USP36: variants seen among roughly 807,000 people sequenced by gnomAD.
USP36 encodes ubiquitin carboxyl-terminal hydrolase 36.
In USP36, 59 loss-of-function variants were observed where a neutral mutation model predicts 111.5. That is an observed-to-expected ratio of 0.53 (90% CI 0.43 to 0.66). USP36 has a LOEUF of 0.66. Among genes scored for constraint, USP36 ranks in the 30% least tolerant of loss-of-function variants. USP36 has a pLI of 0.00. For missense variants in USP36, 1,488 were observed against 1,468.0 expected (o/e 1.01, Z -0.22); for synonymous variants, 628 against 581.0 (o/e 1.08, Z -1.16).
chr17:78,819,369 C>T (rs1359214774), intron 9 of USP36, among the ~76,000 whole-genome samples: 1 of 152,132 alleles, frequency 6.6e-6, no homozygotes, highest in African/African-American at 2.4e-5. Flanking sequence ...TTCAGGAGTT[C>T]GAGACCAGCC....
chr17:78,806,506 A>G (rs2093905501), intron 14 of USP36, among the ~76,000 whole-genome samples: 1 of 152,152 alleles, frequency 6.6e-6, no homozygotes, highest in South Asian at 2.1e-4. Context: ...AAGGAAGAAA[A>G]TTTAAACAAA....
At chr17:78,808,876 C>T (rs2093981799) in intron 13 of USP36, among the ~76,000 whole-genome samples, 1 of 152,060 alleles carries the variant, frequency 6.6e-6, no homozygotes, top group Non-Finnish European at 1.5e-5. Flanking sequence ...ATTTGTTGAG[C>T]TTTTCCTGTA....
intron 4 of USP36, among the ~76,000 whole-genome samples, chr17:78,833,403 TC>T (rs2068333833): frequency 6.6e-6 from 1 of 151,922 alleles, no homozygotes; most frequent in Non-Finnish European, 1.5e-5. Context: ...TGCCTCAGCC[TC>T]CCAAGTAGCT....
chr17:78,821,862 G>A lies in USP36; in HGVS notation c.757+75C>T, dbSNP rs1474747909. ...CAGCGAAGAAAGAGCCCCAGCCTGC[G>A]TTCCAACTCTTAGGGTTTCCTGGGT... On this transcript the variant is annotated intron_variant, in intron 7 of 20. Coordinates refer to ENST00000449938, the MANE Select transcript of USP36 (RefSeq NM_001385174.1). 2.8e-5 allele frequency: 43 copies of A among 1,556,916 alleles called. No homozygotes were observed. The East Asian group carries it at 3.8e-4, about 14-fold the overall frequency.
rs947494178 is a variant in USP36 at position 78,819,833 on chromosome 17, A to G, written c.911+97T>C. The G allele has an allele frequency of 2.4e-6, 3 of 1,252,658 alleles. No individual in the cohort carries two copies. In the African/African-American group the frequency reaches 4.5e-5, roughly 19 times the overall value. 77.6% of individuals were successfully genotyped at this position (1,252,658 alleles called of 1,614,324 possible). ...TCCTCAAGAAATGCGAGCAGCGGTC[A>G]CCGCTAAGGAAGAGTGGGTGGGCAC... On this transcript the variant is annotated intron_variant, in intron 9 of 20. Coordinates refer to ENST00000449938, the MANE Select transcript of USP36 (RefSeq NM_001385174.1).
At position 78,835,267 on chromosome 17, in the gene USP36, A is replaced by C; in HGVS notation, c.475+13T>G. On this transcript the variant is annotated intron_variant, in intron 4 of 20. Coordinates refer to ENST00000449938, the MANE Select transcript of USP36 (RefSeq NM_001385174.1). ...GACCCACAGCCACCCCACTGCTGCA[A>C]ACCCACACTCACAGCTGCGAGCATG... 1 of 1,613,210 alleles carries C rather than the reference A, an allele frequency of 6.2e-7. No homozygotes were observed.
intron 2 of USP36, 29 bp from the exon 3 acceptor site, chr17:78,836,401 A>G: frequency 1.3e-6 from 2 of 1,599,518 alleles, no homozygotes; most frequent in Non-Finnish European, 1.7e-6. Context: ...ACATAGAGCC[A>G]TAGATAACGA....
chr17:78,794,905 G>A (rs1479539643), downstream of USP36, among the ~76,000 whole-genome samples: 1 of 151,908 alleles, frequency 6.6e-6, no homozygotes, highest in Admixed American at 6.6e-5. Flanking sequence ...TTCTTGGGAG[G>A]CTGAGGCAGG....
At chr17:78,795,325 T>G (rs962472273), downstream of USP36, among the ~76,000 whole-genome samples, 3 of 152,292 alleles carry the variant, frequency 2.0e-5, no homozygotes, top group Admixed American at 2.0e-4. The surrounding 1 kb of genome is among the most constrained non-coding windows in gnomAD (Gnocchi z 4.5). Context: ...CTGTGTTTGG[T>G]GGATACCGTG....
Position 78,798,513 on chromosome 17 carries a change from TCTC to T in USP36, c.3276_3278del (p.Arg1093del). The T allele has an allele frequency of 6.2e-7, 1 of 1,614,032 alleles. No individual in the cohort carries two copies. ...GAAGTTTCTGGAAGGCGTTGAAGTT[TCTC>T]CTCTTCTCTCTCTTAAATTTTTTAA... is the stretch of plus-strand genomic sequence containing the variant. On this transcript the variant is annotated inframe_deletion, in exon 20 of 21. Coordinates refer to ENST00000449938, the MANE Select transcript of USP36 (RefSeq NM_001385174.1). The surrounding 1 kb of genome is among the most constrained non-coding windows in gnomAD (Gnocchi z 5.1).
chr17:78,798,942 A>T lies in USP36; in HGVS notation c.3206T>A (p.Val1069Asp), dbSNP rs748811896. ...GTCAAACTCTTCGTCCCAGTCATCAACCACGGTCTCAGTCCGGGCCTGTCT... is the reference window on the plus strand; with the variant it reads ...GTCAAACTCTTCGTCCCAGTCATCATCCACGGTCTCAGTCCGGGCCTGTCT... ...DSRQARTETV[V>D]DDWDEEFDRG... Residue 1069 changes from valine (V) to aspartate (D), a missense_variant, in exon 19 of 21, where the codon GTT (valine) becomes GAT (aspartate). Around this residue, in one of 3 missense-constraint regions of USP36, gnomAD observed 1,073 missense variants for 994.1 expected, o/e 1.08. Coordinates refer to ENST00000449938, the MANE Select transcript of USP36 (RefSeq NM_001385174.1). The surrounding 1 kb of genome is among the most constrained non-coding windows in gnomAD (Gnocchi z 5.1). The T allele has an allele frequency of 1.2e-6, 2 of 1,614,036 alleles. No homozygotes were observed. Among genetic ancestry groups the T allele is most frequent in the Admixed American group, 1.7e-5 (1 of 59,992 alleles).
intron 8 of USP36, among the ~76,000 whole-genome samples, chr17:78,820,387 C>G (rs956185530): frequency 9.9e-5 from 15 of 152,092 alleles, no homozygotes; most frequent in African/African-American, 3.1e-4. Context: ...TCACTTAAGC[C>G]TAGAGGTCAA....
intron 6 of USP36, 49 bp downstream of exon 6, chr17:78,827,196 G>A (rs768428933): frequency 7.7e-7 from 1 of 1,298,604 alleles, no homozygotes; most frequent in South Asian, 1.2e-5. Context: ...CTGCCACCAT[G>A]TAGAAAAGGT....
At chr17:78,802,230 C>G in intron 17 of USP36, 94 bp downstream of exon 17, 1 of 1,383,072 alleles carries the variant, frequency 7.2e-7, no homozygotes, top group East Asian at 2.6e-5. Context: ...CCATGCGGTC[C>G]CCCAACCCCT....
intron 4 of USP36, 67 bp downstream of exon 4, chr17:78,835,213 A>C: frequency 1.3e-6 from 2 of 1,515,404 alleles, no homozygotes; most frequent in Non-Finnish European, 1.8e-6. Context: ...CAGCAGTGCC[A>C]CAAGTGCATG....
chr17:78,838,147 C>T (rs755386241), intron 2 of USP36, among the ~76,000 whole-genome samples: 2 of 151,496 alleles, frequency 1.3e-5, no homozygotes, highest in Non-Finnish European at 2.9e-5. Context: ...CTTGGGAGGC[C>T]GAGACGGGTG....
Position 78,813,817 on chromosome 17 carries a change from G to A in USP36, c.1221C>T (p.Val407=). ...MNDSLVHSSN[V]KVVLNQQAYV... is the part of the protein sequence containing the mutation. ...AGGCCTGCTGGTTCAGAACCACCTT[G>A]ACGTTGCTGGAATGGACCAAGGAAT... The change falls in exon 12 of 21, where the codon GTC becomes GTT. Residue 407 remains valine (V), a synonymous_variant. Coordinates refer to ENST00000449938, the MANE Select transcript of USP36 (RefSeq NM_001385174.1). 2 of 1,614,168 alleles carry A rather than the reference G, an allele frequency of 1.2e-6. No homozygotes were observed. Among genetic ancestry groups the A allele is most frequent in the Non-Finnish European group, 1.7e-6 (2 of 1,180,020 alleles).
intron 8 of USP36, among the ~76,000 whole-genome samples, chr17:78,820,420 G>A (rs7206939): frequency 0.059 from 8,927 of 152,172 alleles, 824 homozygotes; most frequent in African/African-American, 0.2. Context: ...CTATGATTGC[G>A]CCACTGCACT....
intron 7 of USP36, among the ~76,000 whole-genome samples, chr17:78,821,558 G>T (rs2094332446): frequency 6.7e-6 from 1 of 150,310 alleles, no homozygotes; most frequent in Admixed American, 6.6e-5. Context: ...CTCCCAAGTA[G>T]CTGGGATTGC....
Sources: allele counts gnomAD v4.1 joint callset (sites outside exome capture counted in the v4.1 genomes callset), GRCh38; gene constraint gnomAD v4.1.1; regional missense constraint gnomAD v4.1.1; non-coding constraint Gnocchi (gnomAD v3.1); transcripts MANE v1.5; gene names NCBI Gene and HGNC (gene_info 2026-07-23, HGNC 2026-07-21).